TICRR: variants seen among roughly 807,000 people sequenced by gnomAD.
TICRR encodes the protein treslin.
A neutral mutation model predicts 178.1 loss-of-function variants in TICRR; 132 were observed. The ratio of observed to expected loss-of-function variants is 0.74; its 90% confidence interval spans 0.64 to 0.86. The LOEUF (loss-of-function observed/expected upper bound fraction) is 0.86. Among genes scored for constraint, TICRR ranks in the 40% least tolerant of loss-of-function variants. TICRR has a pLI of 0.00. For missense variants in TICRR, 2,587 were observed against 2,334.3 expected (o/e 1.11, Z -2.23); for synonymous variants, 991 against 900.7 (o/e 1.10, Z -1.79).
At chr15:89,618,745 G>GC (rs1963375851) in intron 17 of TICRR, among the ~76,000 whole-genome samples, 1 of 152,210 alleles carries the variant, frequency 6.6e-6, no homozygotes, top group Admixed American at 6.5e-5. Flanking sequence ...AGGATCACTG[G>GC]CCAGGAGTTT....
In TICRR at chr15:89,624,255, T is replaced by C. The variant is rs142860136; in HGVS notation, c.3945T>C (p.Pro1315=). 136 of 1,614,184 alleles carry C rather than the reference T, an allele frequency of 8.4e-5. 1 individual carries two copies. The African/African-American group carries it at 1.5e-3, about 18-fold the overall frequency. Residue 1315 remains proline, a synonymous_variant, in exon 20 of 22, where the codon CCT becomes CCC. Coordinates refer to ENST00000268138, the MANE Select transcript of TICRR (RefSeq NM_152259.4). ...CGCCAAAGAAACTGTTTACCTCTCC[T>C]TTATGTGATGTCTCCAAGAAGAGTC... The part of the protein sequence containing the change: ...PVTPKKLFTS[P]LCDVSKKSPF...
chr15:89,625,418 G>A lies in TICRR; in HGVS notation c.5108G>A (p.Gly1703Asp). ...GCGAGSSSGR[G>D]EVGADLPGSL... Reference sequence around the variant, plus strand: ...GGCGCCGGCTCCTCTTCCGGGAGGGGCGAGGTCGGTGCAGACCTTCCTGGG... The same window carrying A: ...GGCGCCGGCTCCTCTTCCGGGAGGGACGAGGTCGGTGCAGACCTTCCTGGG... Residue 1703 changes from glycine (G) to aspartate (D), a missense_variant, in exon 20 of 22, where the codon GGC (glycine) becomes GAC (aspartate). Coordinates refer to ENST00000268138, the MANE Select transcript of TICRR (RefSeq NM_152259.4). The A allele has an allele frequency of 6.2e-7, 1 of 1,614,024 alleles. No individual in the cohort carries two copies. Among genetic ancestry groups the A allele is most frequent in the Non-Finnish European group, 8.5e-7 (1 of 1,180,028 alleles).
intron 1 of TICRR, among the ~76,000 whole-genome samples, chr15:89,580,978 G>C (rs1211490345): frequency 6.6e-5 from 10 of 152,222 alleles, no homozygotes; most frequent in African/African-American, 2.4e-4. Context: ...TAAGGCTGCA[G>C]TGAGCCATGT....
rs867561653 is a variant in TICRR, at chr15:89,616,633, A to C, written c.2960+138A>C. On this transcript the variant is annotated intron_variant, in intron 16 of 21. Coordinates refer to ENST00000268138, the MANE Select transcript of TICRR (RefSeq NM_152259.4). ...GCTTAAAACCAAAGAGCATTCTATA[A>C]GCTCTCCATGGGAGCAGGAGAACCA... The C allele has an allele frequency of 7.7e-6, 5 of 647,132 alleles. No homozygotes were observed. In the Middle Eastern group the frequency reaches 1.2e-3, roughly 160 times the overall value. The allele number at this position is 647,132 out of a possible 1,614,324, so 40.1% of individuals were successfully genotyped here.
At chr15:89,616,527 A>T in intron 16 of TICRR, 32 bp downstream of exon 16, 1 of 1,578,526 alleles carries the variant, frequency 6.3e-7, no homozygotes, top group Non-Finnish European at 8.7e-7. Flanking sequence ...GCTTCTTCAT[A>T]CACCCACACC....
In TICRR at chr15:89,599,336, A is replaced by G. The variant is rs931475579; in HGVS notation, c.1913A>G (p.Glu638Gly). The G allele has an allele frequency of 2.5e-6, 4 of 1,601,722 alleles. No individual in the cohort carries two copies. The African/African-American group carries it at 5.4e-5, about 22-fold the overall frequency. Reference protein sequence around the residue: ...RSSKPKDFKTEEELLSYIREN... With the variant: ...RSSKPKDFKTGEELLSYIREN... ...ATTTTTTTCTCAGATTTTAAAACTG[A>G]GGAAGAGCTGCTATCATATATACGT... The change falls in exon 8 of 22, where the codon GAG (glutamate) becomes GGG (glycine). Residue 638 changes from glutamate to glycine, a missense_variant. Glu to Gly is a moderately conservative substitution (Grantham distance 98). Transcript: ENST00000268138.
At chr15:89,587,510 G>T (rs1962841761) in intron 4 of TICRR, among the ~76,000 whole-genome samples, 1 of 152,142 alleles carries the variant, frequency 6.6e-6, no homozygotes, top group South Asian at 2.1e-4. Flanking sequence ...GGGGAATGAG[G>T]AGAGAGAAAC....
At chr15:89,593,226 A>C (rs1221637031) in intron 5 of TICRR, among the ~76,000 whole-genome samples, 1 of 152,166 alleles carries the variant, frequency 6.6e-6, no homozygotes, top group African/African-American at 2.4e-5. Context: ...CATCTTAACA[A>C]TGTTGAGTCA....
intron 14 of TICRR, 94 bp from the exon 15 acceptor site, chr15:89,608,709 A>G: frequency 1.8e-6 from 2 of 1,106,548 alleles, no homozygotes; most frequent in Non-Finnish European, 1.2e-6. Context: ...TTCCTCAAGG[A>G]GCTTCTCTGT....
chr15:89,612,157 G>T (rs1271059284), intron 15 of TICRR, among the ~76,000 whole-genome samples: 2 of 152,094 alleles, frequency 1.3e-5, no homozygotes, highest in African/African-American at 4.8e-5. Flanking sequence ...AAGGATCTCA[G>T]CTATTCATTT....
chr15:89,582,831 C>G lies in TICRR; in HGVS notation c.800C>G (p.Ser267Ter). Residue 267 changes from serine to a stop codon, truncating the protein, a stop_gained, in exon 2 of 22, where the codon TCA (serine) becomes TGA (stop). Coordinates refer to ENST00000268138, the MANE Select transcript of TICRR (RefSeq NM_152259.4). LOFTEE classifies it high-confidence loss of function. ...EMLLRSGIKL[S>*]SEPHLSPWIS... The stretch of plus-strand genomic sequence containing the variant: ...CTGCTCAGGAGTGGAATAAAGCTGT[C>G]AAGTGAACCTCATCTTTCTCCGTGG... 1 of 1,614,186 alleles carries G rather than the reference C, an allele frequency of 6.2e-7. No individual in the cohort carries two copies. Among genetic ancestry groups the G allele is most frequent in the Non-Finnish European group, 8.5e-7 (1 of 1,180,030 alleles).
At position 89,575,935 on chromosome 15, in the gene TICRR, G is replaced by A; in HGVS notation, c.349G>A (p.Glu117Lys). The part of the protein sequence containing the change: ...TLLDYQWDRP[E>K]ITSPTKPILR... ...GCTAGACTACCAGTGGGACCGGCCC[G>A]AGATCACGTCGCCCACGAAGCCGAT... Residue 117 changes from glutamate to lysine, a missense_variant, in exon 1 of 22, where the codon GAG becomes AAG. By Grantham distance (56) the Glu-to-Lys change is moderately conservative. Coordinates refer to ENST00000268138, the MANE Select transcript of TICRR (RefSeq NM_152259.4). The A allele has an allele frequency of 6.3e-7, 1 of 1,596,504 alleles. No individual in the cohort carries two copies. The highest frequency in any genetic ancestry group is 8.5e-7 in the Non-Finnish European group (1 of 1,173,488).
At chr15:89,581,601 A>G (rs959365376) in intron 1 of TICRR, among the ~76,000 whole-genome samples, 2 of 152,194 alleles carry the variant, frequency 1.3e-5, no homozygotes, top group Non-Finnish European at 2.9e-5. Context: ...AAAATATGGC[A>G]TGTTCAGGAA....
Position 89,575,970 on chromosome 15 carries a change from C to T in TICRR, c.384C>T (p.Ser128=), listed in dbSNP as rs770387851. 2 of 1,604,434 alleles carry T rather than the reference C, an allele frequency of 1.2e-6. No homozygotes were observed. The highest frequency in any genetic ancestry group is 3.4e-5 in the Admixed American group (2 of 58,874). ...ITSPTKPILR[S]SGRRLLDVES... is the part of the protein sequence containing the mutation. ...CGCCCACGAAGCCGATCCTGCGGAGCAGCGGGAGGAGACTGCTGGACGTGG... is the reference window on the plus strand; with the variant it reads ...CGCCCACGAAGCCGATCCTGCGGAGTAGCGGGAGGAGACTGCTGGACGTGG... The change falls in exon 1 of 22, where the codon AGC becomes AGT. Residue 128 remains serine, a synonymous_variant. Coordinates refer to ENST00000268138, the MANE Select transcript of TICRR (RefSeq NM_152259.4).
At chr15:89,585,644 C>T in intron 3 of TICRR, 64 bp from the exon 4 acceptor site, 2 of 1,099,600 alleles carry the variant, frequency 1.8e-6, no homozygotes, top group African/African-American at 3.0e-5. Flanking sequence ...TCTTTTAGTA[C>T]ACTACATTCT....
intron 18 of TICRR, 48 bp downstream of exon 18, chr15:89,619,890 A>G (rs990778260): frequency 1.9e-6 from 3 of 1,551,114 alleles, no homozygotes; most frequent in African/African-American, 1.4e-5. Context: ...TGACTTGGTG[A>G]GAAGTGTTTT....
At chr15:89,589,015 G>A (rs1050896900) in intron 4 of TICRR, among the ~76,000 whole-genome samples, 2 of 152,108 alleles carry the variant, frequency 1.3e-5, no homozygotes, top group African/African-American at 2.4e-5. Flanking sequence ...TCTCTCCAGC[G>A]CTGCAGGGGA....
intron 6 of TICRR, 68 bp from the exon 7 acceptor site, chr15:89,595,325 A>T: frequency 9.2e-7 from 1 of 1,089,726 alleles, no homozygotes; most frequent in Non-Finnish European, 1.4e-6. Context: ...AATCTGAATT[A>T]AAGTAGTTCT....
intron 14 of TICRR, among the ~76,000 whole-genome samples, chr15:89,608,315 A>C (rs1200811560): frequency 6.6e-6 from 1 of 152,250 alleles, no homozygotes; most frequent in Non-Finnish European, 1.5e-5. Flanking sequence ...TCAAGAAGAA[A>C]TAGAAAATCA....
Sources: allele counts gnomAD v4.1 joint callset (sites outside exome capture counted in the v4.1 genomes callset), GRCh38; gene constraint gnomAD v4.1.1; transcripts MANE v1.5; gene names NCBI Gene and HGNC (gene_info 2026-07-23, HGNC 2026-07-21).